Variants in MCPH1 observed in about 807,000 individuals in gnomAD.
MCPH1 encodes the protein microcephalin.
MCPH1 carries 104 observed loss-of-function variants against 84.5 expected under a neutral mutation model. That is an observed-to-expected ratio of 1.23 (90% CI 1.05 to 1.45). The LOEUF (loss-of-function observed/expected upper bound fraction) is 1.45, where lower values mean the gene tolerates loss of function less well. Among genes scored for constraint, MCPH1 ranks in the 40% most tolerant of loss-of-function variants. MCPH1 has a pLI of 0.00. For synonymous variants in MCPH1, 514 were observed against 366.8 expected, an observed-to-expected ratio of 1.40 and a Z score of -4.58; for missense variants, 1,498 against 1,005.7, an observed-to-expected ratio of 1.49 and a Z score of -6.62.
rs1802601123 is a variant in MCPH1, at chr8:6,436,103, G to C, written c.377G>C (p.Arg126Thr). 1 of 1,613,586 alleles carries C rather than the reference G, an allele frequency of 6.2e-7. No homozygotes were observed. Among genetic ancestry groups the C allele is most frequent in the Non-Finnish European group, 8.5e-7 (1 of 1,179,754 alleles). Residue 126 changes from arginine (R) to threonine (T), a missense_variant, in exon 5 of 14, where the codon AGA becomes ACA. By Grantham distance (71) the Arg-to-Thr change is moderately conservative. Coordinates refer to ENST00000344683, the MANE Select transcript of MCPH1 (RefSeq NM_024596.5). ...FNFKTPENDKRFQKKFEKMAK... is the reference protein window; with the variant it reads ...FNFKTPENDKTFQKKFEKMAK... ...TTTAAAACACCAGAAAATGATAAGA[G>C]ATTTCAGAAGAAATTTGAGAAAATG... is the stretch of plus-strand genomic sequence containing the variant.
chr8:6,526,513 G>A (rs1037103938), intron 12 of MCPH1, among the ~76,000 whole-genome samples: 1 of 151,954 alleles, frequency 6.6e-6, no homozygotes, highest in African/African-American at 2.4e-5. Flanking sequence ...TTCATTTACT[G>A]TTTGTAGAGG....
At chr8:6,431,721 T>G (rs1585718286) in intron 4 of MCPH1, 135 bp downstream of exon 4, 2 of 627,092 alleles carry the variant, frequency 3.2e-6, no homozygotes, top group East Asian at 2.8e-5. Context: ...ATTGTTCTTT[T>G]CACATAGCAT....
intron 9 of MCPH1, among the ~76,000 whole-genome samples, chr8:6,467,485 T>C (rs1159796872): frequency 1.3e-5 from 2 of 152,240 alleles, no homozygotes; most frequent in Non-Finnish European, 1.5e-5. Context: ...TTGTTTTTAG[T>C]ATTTTTCTGT....
chr8:6,631,379 G>C (rs901396658), intron 13 of MCPH1, among the ~76,000 whole-genome samples: 2 of 152,106 alleles, frequency 1.3e-5, no homozygotes, highest in Admixed American at 1.3e-4. Context: ...ACAGTCAACA[G>C]AGTGAAAAGC....
intron 2 of MCPH1, among the ~76,000 whole-genome samples, chr8:6,414,306 C>A (rs1257084919): frequency 6.6e-6 from 1 of 152,196 alleles, no homozygotes; most frequent in Admixed American, 6.5e-5. Context: ...CCATGCCCAG[C>A]CATGGATACA....
At chr8:6,529,060 C>T (rs1301610340) in intron 12 of MCPH1, among the ~76,000 whole-genome samples, 1 of 152,162 alleles carries the variant, frequency 6.6e-6, no homozygotes, top group Non-Finnish European at 1.5e-5. Context: ...AGGGTTATAA[C>T]ATGAGTAAAA....
chr8:6,414,863 T>G lies in MCPH1; in HGVS notation c.213T>G (p.Val71=). 6.2e-7 allele frequency: 1 copy of G among 1,613,768 alleles called. No individual in the cohort carries two copies. Among genetic ancestry groups the G allele is most frequent in the Non-Finnish European group, 8.5e-7 (1 of 1,179,872 alleles). Residue 71 remains valine, a synonymous_variant, in exon 3 of 14, where the codon GTT becomes GTG. Transcript: ENST00000344683. ...CTCAGAAGAGAGGCGTAAAGCTCGT[T>G]TCGGTGCTCTGGGTGGAAAAGTAAG... ...DKAQKRGVKL[V]SVLWVEKCRT...
intron 9 of MCPH1, among the ~76,000 whole-genome samples, chr8:6,458,505 A>C (rs1466879774): frequency 6.6e-6 from 1 of 150,520 alleles, no homozygotes; most frequent in Non-Finnish European, 1.5e-5. Context: ...AAAATTCCTG[A>C]TTTGTTTGCT....
intron 2 of MCPH1, among the ~76,000 whole-genome samples, chr8:6,411,869 AG>A (rs1360412629): frequency 6.6e-6 from 1 of 152,122 alleles, no homozygotes; most frequent in Admixed American, 6.6e-5. Flanking sequence ...CCCGTGGATA[AG>A]GGGGAACTAA....
intron 3 of MCPH1, among the ~76,000 whole-genome samples, chr8:6,422,854 A>C (rs1456947591): frequency 6.6e-6 from 1 of 151,838 alleles, no homozygotes; most frequent in East Asian, 1.9e-4. Flanking sequence ...ACGCCCGGCT[A>C]ATTTTTTGTG....
intron 12 of MCPH1, among the ~76,000 whole-genome samples, chr8:6,551,597 C>T (rs932000645): frequency 5.9e-5 from 9 of 152,092 alleles, no homozygotes; most frequent in Non-Finnish European, 1.3e-4. Flanking sequence ...CAGTCATCAA[C>T]ACTGTTAAGA....
chr8:6,436,428 A>G (rs1459176970), intron 5 of MCPH1, among the ~76,000 whole-genome samples: 4 of 152,236 alleles, frequency 2.6e-5, no homozygotes, highest in Admixed American at 2.0e-4. Flanking sequence ...ATTTCAGAAG[A>G]AAAGCAAACT....
chr8:6,448,933 A>G (rs1175417022), intron 8 of MCPH1, among the ~76,000 whole-genome samples: 1 of 152,184 alleles, frequency 6.6e-6, no homozygotes, highest in Non-Finnish European at 1.5e-5. Flanking sequence ...ATTTTTATTG[A>G]CACTGGAATA....
intron 12 of MCPH1, among the ~76,000 whole-genome samples, chr8:6,584,851 G>C (rs1387700051): frequency 6.6e-6 from 1 of 152,182 alleles, no homozygotes; most frequent in Non-Finnish European, 1.5e-5. Context: ...GTGTCCCCTA[G>C]TTGCACAGTT....
chr8:6,407,216 C>T (rs755155845), intron 1 of MCPH1: 24 of 166,602 alleles, frequency 1.4e-4, no homozygotes, highest in Non-Finnish European at 2.2e-4. Flanking sequence ...CCTGGAGGAG[C>T]GGCAGTTGAG....
chr8:6,416,590 C>A (rs1354679941), intron 3 of MCPH1, among the ~76,000 whole-genome samples: 1 of 152,114 alleles, frequency 6.6e-6, no homozygotes, highest in East Asian at 1.9e-4. Context: ...TTTTGTCCTT[C>A]ATTATATTAA....
At chr8:6,577,383 A>G (rs1172527669) in intron 12 of MCPH1, among the ~76,000 whole-genome samples, 1 of 152,214 alleles carries the variant, frequency 6.6e-6, no homozygotes, top group Non-Finnish European at 1.5e-5. Context: ...CAAATTATCA[A>G]ATGCACACTA....
intron 12 of MCPH1, among the ~76,000 whole-genome samples, chr8:6,601,999 T>C (rs945830415): frequency 8.5e-5 from 13 of 152,256 alleles, no homozygotes; most frequent in Non-Finnish European, 1.6e-4. Flanking sequence ...TTCTGCTAGA[T>C]GATGAGCTTC....
At chr8:6,530,423 C>T (rs979421901) in intron 12 of MCPH1, among the ~76,000 whole-genome samples, 3 of 150,020 alleles carry the variant, frequency 2.0e-5, no homozygotes, top group Admixed American at 1.4e-4. Context: ...GCACGAGAAT[C>T]GCTTGAACCC....
Sources: allele counts gnomAD v4.1 joint callset (sites outside exome capture counted in the v4.1 genomes callset), GRCh38; gene constraint gnomAD v4.1.1; transcripts MANE v1.5; gene names NCBI Gene and HGNC (gene_info 2026-07-23, HGNC 2026-07-21).